AFG1L: variants seen among roughly 807,000 people sequenced by gnomAD.
The protein encoded by AFG1L is AFG1 like ATPase.
In AFG1L, 53 loss-of-function variants were observed where a neutral mutation model predicts 62.2. That is an observed-to-expected ratio of 0.85 (90% CI 0.68 to 1.07). AFG1L has a LOEUF of 1.07. AFG1L is among the 50% of genes least tolerant of loss of function. The probability of loss-of-function intolerance (pLI) is 0.00; values close to 1 mark genes in which losing one functional copy is unlikely to be tolerated. For missense variants in AFG1L, 555 were observed against 590.5 expected, an observed-to-expected ratio of 0.94 and a Z score of 0.62; for synonymous variants, 228 against 210.3, an observed-to-expected ratio of 1.08 and a Z score of -0.73.
chr6:108,337,105 C>T (rs1300387131), intron 2 of AFG1L, among the ~76,000 whole-genome samples: 1 of 152,204 alleles, frequency 6.6e-6, no homozygotes, highest in African/African-American at 2.4e-5. Context: ...TGTGATCCTC[C>T]TGCCTCGGCC....
At chr6:108,459,685 A>G (rs530073630) in intron 8 of AFG1L, among the ~76,000 whole-genome samples, 77 of 152,206 alleles carry the variant, frequency 5.1e-4, no homozygotes, top group Non-Finnish European at 9.6e-4. Context: ...CTAGGTAGCA[A>G]TTGAAAAAAT....
At chr6:108,360,919 C>A (rs2114478831) in intron 5 of AFG1L, among the ~76,000 whole-genome samples, 1 of 152,340 alleles carries the variant, frequency 6.6e-6, no homozygotes, top group South Asian at 2.1e-4. Context: ...ACAAGCAGAG[C>A]CTTTGCACTG....
rs553337918 is a variant in AFG1L, at chr6:108,491,527, C to T, written c.1062+14235C>T. On this transcript the variant is annotated intron_variant, in intron 10 of 12. Coordinates refer to ENST00000368977, the MANE Select transcript of AFG1L (RefSeq NM_145315.5). ...GCAAAAATAGTACTTTACAGCTGAG[C>T]TTTTCTCTTTATTTATCTGGCTTGA... Among the ~76,000 whole-genome samples the T allele has an allele frequency of 6.8e-4, 103 of 152,234 alleles. 1 individual carries two copies. Among genetic ancestry groups the T allele is most frequent in the African/African-American group, 2.4e-3 (98 of 41,536 alleles).
intron 6 of AFG1L, among the ~76,000 whole-genome samples, chr6:108,396,017 T>G (rs181193126): frequency 6.6e-6 from 1 of 152,000 alleles, no homozygotes; most frequent in Non-Finnish European, 1.5e-5. Context: ...AGGTGTCTTT[T>G]TTTGTTTGTT....
intron 2 of AFG1L, among the ~76,000 whole-genome samples, chr6:108,342,744 A>T (rs1414017059): frequency 1.3e-5 from 2 of 152,114 alleles, no homozygotes; most frequent in Non-Finnish European, 2.9e-5. Flanking sequence ...AGTATATAAT[A>T]TTGTTTAGAT....
intron 8 of AFG1L, among the ~76,000 whole-genome samples, chr6:108,475,631 A>T (rs145579339): frequency 6.6e-6 from 1 of 152,338 alleles, no homozygotes; most frequent in East Asian, 1.9e-4. Flanking sequence ...CATGGAAGTC[A>T]AATAGCATTT....
intron 8 of AFG1L, among the ~76,000 whole-genome samples, chr6:108,459,494 A>G (rs1012278244): frequency 6.6e-6 from 1 of 152,226 alleles, no homozygotes; most frequent in African/African-American, 2.4e-5. Flanking sequence ...TAAGGCAGAT[A>G]GGTAACTCTG....
chr6:108,472,810 C>CTT (rs527868653), intron 8 of AFG1L, among the ~76,000 whole-genome samples: 82 of 129,440 alleles, frequency 6.3e-4, no homozygotes, highest in African/African-American at 1.4e-3. Flanking sequence ...CTTTTCTTTT[C>CTT]TTTTTTTTTT....
At position 108,447,315 on chromosome 6, in the gene AFG1L, T is replaced by A; in HGVS notation, c.890+19T>A. On this transcript the variant is annotated intron_variant, in intron 8 of 12. Coordinates refer to ENST00000368977, the MANE Select transcript of AFG1L (RefSeq NM_145315.5). ...ACTACCTGTAAGTGTTTCTAATTTT[T>A]AAAGTTTAATGTCTAATCGTTAATC... 1 of 1,381,172 alleles carries A rather than the reference T, an allele frequency of 7.2e-7. No homozygotes were observed. 85.6% of individuals were successfully genotyped at this position (1,381,172 alleles called of 1,614,324 possible). A position where few individuals can be genotyped will look rare whatever the true frequency, so the allele number is the denominator to read the frequency against.
rs1167377891 is a variant in AFG1L, at chr6:108,346,995, C to T, written c.371C>T (p.Ser124Leu). 8 of 1,612,352 alleles carry T rather than the reference C, an allele frequency of 5.0e-6. No individual in the cohort carries two copies. In the Admixed American group the frequency reaches 1.3e-4, roughly 27 times the overall value. Residue 124 changes from serine (S) to leucine (L), a missense_variant, in exon 3 of 13, where the codon TCA becomes TTA. Ser to Leu is a moderately radical substitution (Grantham distance 145, BLOSUM62 -2). Coordinates refer to ENST00000368977, the MANE Select transcript of AFG1L (RefSeq NM_145315.5). ...EAEGLFSKLFSRSKPPRGLYV... is the reference protein window; with the variant it reads ...EAEGLFSKLFLRSKPPRGLYV... ...TTTGTTCTTAATTTGCAGCTTTTTTCAAGGAGCAAACCTCCAAGGGGCCTG... is the reference window on the plus strand; with the variant it reads ...TTTGTTCTTAATTTGCAGCTTTTTTTAAGGAGCAAACCTCCAAGGGGCCTG...
chr6:108,343,613 A>G (rs887209406), intron 2 of AFG1L, among the ~76,000 whole-genome samples: 4 of 152,246 alleles, frequency 2.6e-5, no homozygotes, highest in Admixed American at 2.0e-4. Context: ...ATTAGGTTTT[A>G]TGCAAGTTTT....
At chr6:108,419,155 T>A (rs987155110) in intron 7 of AFG1L, among the ~76,000 whole-genome samples, 1 of 152,214 alleles carries the variant, frequency 6.6e-6, no homozygotes, top group Non-Finnish European at 1.5e-5. Context: ...TCATTAGCTT[T>A]CTTTTTATGA....
chr6:108,448,682 C>T (rs1192399078), intron 8 of AFG1L, among the ~76,000 whole-genome samples: 4 of 152,104 alleles, frequency 2.6e-5, no homozygotes, highest in African/African-American at 7.2e-5. Context: ...CTGACTTACC[C>T]TGTGTTACCC....
intron 3 of AFG1L, among the ~76,000 whole-genome samples, chr6:108,353,199 G>A (rs1274798400): frequency 6.7e-6 from 1 of 149,586 alleles, no homozygotes; most frequent in African/African-American, 2.5e-5. Flanking sequence ...CTGTTGCTTA[G>A]GCTGGAGTGC....
intron 6 of AFG1L, among the ~76,000 whole-genome samples, chr6:108,396,373 G>A (rs1234213705): frequency 6.6e-6 from 1 of 151,958 alleles, no homozygotes; most frequent in African/African-American, 2.4e-5. Context: ...TCTTCCTAAG[G>A]CAATAAATAC....
chr6:108,439,349 A>G (rs886126824), intron 7 of AFG1L, among the ~76,000 whole-genome samples: 3 of 152,192 alleles, frequency 2.0e-5, no homozygotes, highest in Non-Finnish European at 2.9e-5. Flanking sequence ...GATCCAAAAT[A>G]AATATTAAAT....
At chr6:108,476,081 G>GTTATTTATA (rs1773093054) in intron 8 of AFG1L, among the ~76,000 whole-genome samples, 1 of 151,762 alleles carries the variant, frequency 6.6e-6, no homozygotes, top group Non-Finnish European at 1.5e-5. Flanking sequence ...TCTTCTGCCA[G>GTTATTTATA]TTATTTTATT....
At chr6:108,467,376 G>T (rs1193022709) in intron 8 of AFG1L, among the ~76,000 whole-genome samples, 3 of 151,650 alleles carry the variant, frequency 2.0e-5, no homozygotes, top group Non-Finnish European at 4.4e-5. Flanking sequence ...CTGCCAAGTA[G>T]CTGGGATTAC....
intron 1 of AFG1L, among the ~76,000 whole-genome samples, chr6:108,320,028 G>A (rs1777759301): frequency 6.6e-6 from 1 of 152,086 alleles, no homozygotes; most frequent in Non-Finnish European, 1.5e-5. Flanking sequence ...GGATTCTATG[G>A]AAGATTTTGT....
Sources: gnomAD v4.1 joint callset for allele counts (sites outside exome capture counted in the v4.1 genomes callset) on GRCh38, gnomAD v4.1.1 for gene constraint, MANE v1.5 for transcripts, NCBI Gene and HGNC (gene_info 2026-07-23, HGNC 2026-07-21) for gene names.